DNAI7: variants seen among roughly 807,000 people sequenced by gnomAD.
The protein encoded by DNAI7 is cancer susceptibility 1.
A neutral mutation model predicts 86.6 loss-of-function variants in DNAI7; 78 were observed. The ratio of observed to expected loss-of-function variants is 0.90; its 90% CI spans 0.75 to 1.09. The LOEUF is 1.09. Ranked by LOEUF, DNAI7 falls within the 50% of genes least tolerant of loss-of-function variation. DNAI7 has a pLI of 0.00. For synonymous variants in DNAI7, 274 were observed against 273.0 expected (o/e 1.00, Z -0.04); for missense variants, 753 against 810.2 (o/e 0.93, Z 0.86).
intron 12 of DNAI7, among the ~76,000 whole-genome samples, chr12:25,116,993 G>A (rs1399947605): frequency 1.3e-5 from 2 of 152,056 alleles, no homozygotes; most frequent in Admixed American, 1.3e-4. Context: ...GAGTGCTGGG[G>A]CATGATCACA....
intron 9 of DNAI7, among the ~76,000 whole-genome samples, chr12:25,135,941 G>C (rs11047854): frequency 0.39 from 58,681 of 151,908 alleles, 13,117 homozygotes; most frequent in East Asian, 0.77. Context: ...AAAGGCAAAA[G>C]ACATAATCTC....
intron 6 of DNAI7, among the ~76,000 whole-genome samples, chr12:25,151,336 A>C (rs1945514917): frequency 6.6e-6 from 1 of 152,190 alleles, no homozygotes; most frequent in African/African-American, 2.4e-5. Flanking sequence ...TTATTAAATA[A>C]ATTTGAAAAT....
chr12:25,107,683 A>AAATC, downstream of DNAI7: 2 of 768,466 alleles, frequency 2.6e-6, no homozygotes, highest in South Asian at 3.6e-5. Flanking sequence ...CCAAAATGAT[A>AAATC]AATCATAATA....
intron 9 of DNAI7, among the ~76,000 whole-genome samples, chr12:25,137,397 A>G (rs1192535909): frequency 6.6e-6 from 1 of 152,220 alleles, no homozygotes; most frequent in African/African-American, 2.4e-5. Context: ...ATCTTGAAAC[A>G]AAACCTCAAA....
At chr12:25,192,824 ACT>A (rs1219443866) in intron 1 of DNAI7, 2 of 109,874 alleles carry the variant, frequency 1.8e-5, no homozygotes, top group Non-Finnish European at 3.6e-5. Flanking sequence ...ACAGAGCGAA[ACT>A]CTGCCTCAAA....
intron 9 of DNAI7, among the ~76,000 whole-genome samples, chr12:25,123,645 T>C (rs977768028): frequency 2.0e-5 from 3 of 152,326 alleles, no homozygotes; most frequent in East Asian, 3.9e-4. Flanking sequence ...TCAGCTCTGG[T>C]AGAGTCATCC....
chr12:25,148,602 G>A (rs1420832120), intron 7 of DNAI7, among the ~76,000 whole-genome samples: 1 of 152,206 alleles, frequency 6.6e-6, no homozygotes, highest in Non-Finnish European at 1.5e-5. Flanking sequence ...ACATTAGATA[G>A]ATGGCATTCT....
At chr12:25,165,351 C>G (rs756441557) in intron 2 of DNAI7, among the ~76,000 whole-genome samples, 1 of 152,194 alleles carries the variant, frequency 6.6e-6, no homozygotes, top group African/African-American at 2.4e-5. Context: ...CTCCAGCACA[C>G]AAGAACTCCA....
At chr12:25,171,820 T>C (rs1257752331) in intron 2 of DNAI7, among the ~76,000 whole-genome samples, 1 of 151,610 alleles carries the variant, frequency 6.6e-6, no homozygotes, top group Admixed American at 6.6e-5. Context: ...GTTTAACATA[T>C]GCAAACGTGA....
intron 2 of DNAI7, among the ~76,000 whole-genome samples, chr12:25,181,518 G>T (rs890952343): frequency 2.0e-5 from 3 of 152,102 alleles, no homozygotes; most frequent in African/African-American, 7.2e-5. Flanking sequence ...AAAAGCAATT[G>T]CAACAAAAAC....
At chr12:25,194,949 T>C (rs1314533148) in intron 1 of DNAI7, 127 bp downstream of exon 1, 2 of 1,614,068 alleles carry the variant, frequency 1.2e-6, no homozygotes, top group Non-Finnish European at 1.7e-6. Context: ...CCCCAAGGTA[T>C]GAGTTATTTC....
intron 2 of DNAI7, among the ~76,000 whole-genome samples, chr12:25,182,809 A>G (rs1171609084): frequency 6.7e-6 from 1 of 148,428 alleles, no homozygotes; most frequent in East Asian, 2.0e-4. Flanking sequence ...CTGTGGTCCC[A>G]GCTACCTGAG....
Position 25,108,486 on chromosome 12 carries a change from G to C in DNAI7, c.*62C>G, listed in dbSNP as rs1949410629. 3.5e-6 allele frequency: 5 copies of C among 1,410,506 alleles called. 1 individual carries two copies. The highest frequency in any genetic ancestry group is 2.8e-5 in the South Asian group (2 of 72,316). The allele number at this position is 1,410,506 out of a possible 1,614,324, so 87.4% of individuals were successfully genotyped here. A position where few individuals can be genotyped will look rare whatever the true frequency, so the allele number is the denominator to read the frequency against. The stretch of plus-strand genomic sequence containing the variant: ...CATTCACTCATTACATTGTGTTGCA[G>C]AAATACCTGTCTTTCACCATGCTTG... On this transcript the variant is annotated 3_prime_UTR_variant, in exon 16 of 16. Transcript: ENST00000395987.
At chr12:25,117,709 A>C (rs183572233) in intron 12 of DNAI7, among the ~76,000 whole-genome samples, 1 of 152,270 alleles carries the variant, frequency 6.6e-6, no homozygotes, top group South Asian at 2.1e-4. Context: ...ATAATGTCCC[A>C]TGGCTCAAAA....
chr12:25,184,966 T>TAAA (rs35375688), intron 2 of DNAI7, among the ~76,000 whole-genome samples: 9,388 of 106,238 alleles, frequency 0.088, 308 homozygotes, highest in South Asian at 0.12. Flanking sequence ...CCCATCTCTA[T>TAAA]AAAAAAAAAA....
At chr12:25,131,130 A>T (rs956837291) in intron 9 of DNAI7, among the ~76,000 whole-genome samples, 1 of 148,952 alleles carries the variant, frequency 6.7e-6, no homozygotes, top group Non-Finnish European at 1.5e-5. Context: ...AAATATGCCA[A>T]CCTAAAATTG....
intron 2 of DNAI7, among the ~76,000 whole-genome samples, chr12:25,167,275 A>G (rs1244974983): frequency 6.6e-6 from 1 of 152,062 alleles, no homozygotes; most frequent in Non-Finnish European, 1.5e-5. Context: ...TCCATCTGCT[A>G]TTCTACTACT....
At chr12:25,132,151 A>T (rs1225525678) in intron 9 of DNAI7, among the ~76,000 whole-genome samples, 2 of 152,120 alleles carry the variant, frequency 1.3e-5, no homozygotes, top group Admixed American at 6.6e-5. Context: ...TGGGAAATAC[A>T]TCGTTTCATT....
intron 4 of DNAI7, 57 bp from the exon 5 acceptor site, chr12:25,155,469 C>A (rs1011092642): frequency 5.5e-6 from 5 of 901,316 alleles, no homozygotes; most frequent in African/African-American, 1.7e-5. Flanking sequence ...TTATGTTTCA[C>A]AAGTAGCATC....
Sources: gnomAD v4.1 joint callset for allele counts (sites outside exome capture counted in the v4.1 genomes callset) on GRCh38, gnomAD v4.1.1 for gene constraint, MANE v1.5 for transcripts, NCBI Gene and HGNC (gene_info 2026-07-23, HGNC 2026-07-21) for gene names.